Variants in CDH18 observed in about 807,000 individuals in gnomAD.
CDH18 encodes cadherin 18.
CDH18 carries 31 observed loss-of-function variants against 67.9 expected under a neutral mutation model. That is an observed-to-expected ratio of 0.46 (90% CI 0.34 to 0.62). The LOEUF is 0.62. Among genes scored for constraint, CDH18 ranks in the 20% least tolerant of loss-of-function variants. The pLI, the probability that CDH18 is intolerant of heterozygous loss-of-function variation, is 0.01. For missense variants in CDH18, 890 were observed against 975.5 expected, an observed-to-expected ratio of 0.91 and a Z score of 1.17; for synonymous variants, 362 against 347.2, an observed-to-expected ratio of 1.04 and a Z score of -0.48.
intron 9 of CDH18, among the ~76,000 whole-genome samples, chr5:19,522,554 T>C (rs1429215725): frequency 1.3e-5 from 2 of 152,088 alleles, no homozygotes; most frequent in Non-Finnish European, 2.9e-5. Flanking sequence ...GCTTCTAATA[T>C]TTATAAACAC....
At chr5:20,396,585 G>T (rs1745300677) in intron 1 of CDH18, among the ~76,000 whole-genome samples, 1 of 152,042 alleles carries the variant, frequency 6.6e-6, no homozygotes, top group South Asian at 2.1e-4. Context: ...ATTTAAATTT[G>T]CAGCAAAATC....
At chr5:20,325,854 C>G (rs971419552) in intron 1 of CDH18, among the ~76,000 whole-genome samples, 1 of 152,106 alleles carries the variant, frequency 6.6e-6, no homozygotes, top group African/African-American at 2.4e-5. Context: ...TCTATGACAT[C>G]TACATTGGCC....
At chr5:19,553,618 C>A (rs1580172259) in intron 8 of CDH18, among the ~76,000 whole-genome samples, 2 of 144,994 alleles carry the variant, frequency 1.4e-5, no homozygotes, top group African/African-American at 5.2e-5. Context: ...GATATTACCA[C>A]AACTTGGTCT....
At chr5:19,975,699 C>T (rs1462047612) in intron 2 of CDH18, among the ~76,000 whole-genome samples, 1 of 152,006 alleles carries the variant, frequency 6.6e-6, no homozygotes, top group Non-Finnish European at 1.5e-5. Context: ...TTGATTAGAA[C>T]AATCTGGTTT....
At chr5:20,086,503 G>C (rs1480401412) in intron 2 of CDH18, among the ~76,000 whole-genome samples, 1 of 152,120 alleles carries the variant, frequency 6.6e-6, no homozygotes, top group Non-Finnish European at 1.5e-5. Context: ...TTCATAGCTA[G>C]AGAAAAGTCA....
chr5:19,586,876 T>C (rs1487473305), intron 7 of CDH18, among the ~76,000 whole-genome samples: 2 of 152,146 alleles, frequency 1.3e-5, no homozygotes, highest in Admixed American at 6.6e-5. Context: ...ATCTGTTGTA[T>C]TTGACTTTTT....
intron 3 of CDH18, among the ~76,000 whole-genome samples, chr5:19,761,595 CACAA>C (rs771520106): frequency 3.9e-5 from 6 of 151,978 alleles, no homozygotes; most frequent in Non-Finnish European, 5.9e-5. Context: ...TAAAAGAGGA[CACAA>C]ACAAATGGAA....
intron 1 of CDH18, among the ~76,000 whole-genome samples, chr5:20,528,568 C>T (rs1338025956): frequency 3.9e-5 from 6 of 152,006 alleles, no homozygotes; most frequent in Admixed American, 3.9e-4. Context: ...CAGAACAGTG[C>T]AATCAAATTA....
At chr5:19,939,941 T>C (rs541438514) in intron 2 of CDH18, among the ~76,000 whole-genome samples, 37 of 152,002 alleles carry the variant, frequency 2.4e-4, no homozygotes, top group Middle Eastern at 3.4e-3. Context: ...GAATTCTTTC[T>C]TCTTTTATGT....
At chr5:19,950,099 T>C (rs1795649728) in intron 2 of CDH18, among the ~76,000 whole-genome samples, 1 of 151,360 alleles carries the variant, frequency 6.6e-6, no homozygotes, top group South Asian at 2.1e-4. Context: ...TACATATATA[T>C]CACAGTGGAA....
intron 1 of CDH18, among the ~76,000 whole-genome samples, chr5:20,519,503 G>A (rs902472279): frequency 1.1e-4 from 17 of 152,086 alleles, no homozygotes; most frequent in Non-Finnish European, 2.4e-4. Flanking sequence ...ATAGCATTAG[G>A]AGATATACCT....
chr5:19,997,712 A>T (rs910868006), intron 2 of CDH18, among the ~76,000 whole-genome samples: 1 of 152,178 alleles, frequency 6.6e-6, no homozygotes, highest in African/African-American at 2.4e-5. Context: ...AGGTTTATGG[A>T]CTGCAACAAT....
intron 2 of CDH18, among the ~76,000 whole-genome samples, chr5:19,846,489 A>T (rs1782968313): frequency 6.6e-6 from 1 of 152,122 alleles, no homozygotes; most frequent in Non-Finnish European, 1.5e-5. Flanking sequence ...TATCAAGCTT[A>T]ATACAGTTGA....
At position 19,668,586 on chromosome 5, in the gene CDH18, C is replaced by T. The variant is rs547223368; in HGVS notation, c.643+52761G>A. ...AAAATAATAAAAAATGTATCAGTTTCGCTTCATTTTGAATAAAATAAGTGA... is the reference window on the plus strand; with the variant it reads ...AAAATAATAAAAAATGTATCAGTTTTGCTTCATTTTGAATAAAATAAGTGA... On this transcript the variant is annotated intron_variant, in intron 5 of 12. Coordinates refer to ENST00000382275, the MANE Select transcript of CDH18 (RefSeq NM_004934.5). Among the ~76,000 whole-genome samples the T allele has an allele frequency of 2.6e-4, 40 of 152,102 alleles. No homozygotes were observed. In the East Asian group the frequency reaches 2.9e-3, roughly 11 times the overall value.
At chr5:20,543,801 C>G (rs1016947521) in intron 1 of CDH18, among the ~76,000 whole-genome samples, 1 of 152,072 alleles carries the variant, frequency 6.6e-6, no homozygotes, top group Admixed American at 6.6e-5. Flanking sequence ...TAGGTCAGTA[C>G]AATTGTACAC....
At chr5:20,166,420 A>G (rs1215146653) in intron 2 of CDH18, among the ~76,000 whole-genome samples, 4 of 139,258 alleles carry the variant, frequency 2.9e-5, no homozygotes, top group African/African-American at 1.1e-4. Context: ...AGCCTGGGCA[A>G]CAGAGTGAGA....
chr5:19,875,666 A>C (rs1581747283), intron 2 of CDH18, among the ~76,000 whole-genome samples: 1 of 152,166 alleles, frequency 6.6e-6, no homozygotes, highest in East Asian at 1.9e-4. Flanking sequence ...AAACACAAGT[A>C]ATCAAAATAG....
intron 2 of CDH18, among the ~76,000 whole-genome samples, chr5:19,960,288 C>G (rs1467441966): frequency 6.6e-6 from 1 of 151,850 alleles, no homozygotes; most frequent in African/African-American, 2.4e-5. Flanking sequence ...CTTTCTTTAT[C>G]TCTTTATTCT....
chr5:19,507,761 G>A (rs1744442881), intron 10 of CDH18, among the ~76,000 whole-genome samples: 1 of 152,076 alleles, frequency 6.6e-6, no homozygotes, highest in Non-Finnish European at 1.5e-5. Context: ...GTTGTGGGTT[G>A]GGAGGAGGGG....
Sources: gnomAD v4.1 joint callset for allele counts (sites outside exome capture counted in the v4.1 genomes callset) on GRCh38, gnomAD v4.1.1 for gene constraint, MANE v1.5 for transcripts, NCBI Gene and HGNC (gene_info 2026-07-23, HGNC 2026-07-21) for gene names.